The following LZTFL1 variants were observed in gnomAD, a reference collection of about 807,000 sequenced individuals.
LZTFL1 encodes leucine zipper transcription factor-like protein 1.
A neutral mutation model predicts 45.9 loss-of-function variants in LZTFL1; 25 were observed. That is an observed-to-expected ratio of 0.54 (90% CI 0.40 to 0.76). The LOEUF (loss-of-function observed/expected upper bound fraction) is 0.76, where lower values mean the gene tolerates loss of function less well. Ranked by LOEUF, LZTFL1 falls within the 30% of genes least tolerant of loss-of-function variation. LZTFL1 has a pLI of 0.00. For missense variants in LZTFL1, 277 were observed against 331.1 expected (o/e 0.84, Z 1.27); for synonymous variants, 93 against 117.4 (o/e 0.79, Z 1.35).
At chr3:45,897,422 G>T (rs1263663321) in intron 2 of LZTFL1, 1 of 668,046 alleles carries the variant, frequency 1.5e-6, no homozygotes, top group Non-Finnish European at 2.7e-6. Context: ...TGCCCCCTGG[G>T]CTTCCAGCAG....
intron 3 of LZTFL1, chr3:45,834,686 C>A (rs1192849879): frequency 6.3e-6 from 1 of 157,574 alleles, no homozygotes. Flanking sequence ...ATAAAGTAGT[C>A]TCAGAAAAAT....
intron 2 of LZTFL1, among the ~76,000 whole-genome samples, chr3:45,895,484 G>A (rs1296650121): frequency 1.3e-5 from 2 of 152,212 alleles, no homozygotes; most frequent in African/African-American, 4.8e-5. Context: ...GCAGAGGCGG[G>A]CGGATCACCT....
intron 2 of LZTFL1, among the ~76,000 whole-genome samples, chr3:45,889,304 T>C (rs1183540537): frequency 6.7e-6 from 1 of 148,406 alleles, no homozygotes; most frequent in Admixed American, 6.7e-5. Flanking sequence ...ATATTACCTT[T>C]AAAAAAAAAA....
intron 2 of LZTFL1, among the ~76,000 whole-genome samples, chr3:45,890,335 A>ATAAAT (rs1553616543): frequency 3.2e-5 from 2 of 61,744 alleles, no homozygotes; most frequent in Admixed American, 2.1e-4. Flanking sequence ...ATATATATAT[A>ATAAAT]ACATATATAT....
At position 45,901,985 on chromosome 3, in the gene LZTFL1, AAG is replaced by A; in HGVS notation, c.-215+11133_-215+11134del. On this transcript the variant is annotated intron_variant, in intron 2 of 4. Transcript: ENST00000472635. The surrounding 1 kb of genome is among the most constrained non-coding windows in gnomAD (Gnocchi z 4.3). ...CCACTGATGGGACCAGAGAGAGTGA[AAG>A]AGAAAAGAAAACTCAGAAAGGGATG... The A allele has an allele frequency of 8.8e-7, 1 of 1,132,726 alleles. No individual in the cohort carries two copies. Among genetic ancestry groups the A allele is most frequent in the Non-Finnish European group, 1.3e-6 (1 of 797,928 alleles). The allele number at this position is 1,132,726 out of a possible 1,614,324, so 70.2% of individuals were successfully genotyped here.
intron 2 of LZTFL1, among the ~76,000 whole-genome samples, chr3:45,890,407 C>T (rs550329371): frequency 2.5e-5 from 3 of 118,498 alleles, no homozygotes; most frequent in African/African-American, 1.0e-4. Context: ...CAAAAATCAA[C>T]CTCCGTATTC....
Position 45,842,043 on chromosome 3 carries a change from C to T in LZTFL1, c.-52G>A. On this transcript the variant is annotated 5_prime_UTR_variant, in exon 1 of 10. Coordinates refer to ENST00000296135, the MANE Select transcript of LZTFL1 (RefSeq NM_020347.4). ...AGGAACGGGAGAGGCCAGGCGGTGC[C>T]CCGCCAAGCCTGGGATCGCCGAGGG... is the stretch of plus-strand genomic sequence containing the variant. The T allele has an allele frequency of 1.9e-6, 3 of 1,603,524 alleles. No homozygotes were observed. Among genetic ancestry groups the T allele is most frequent in the South Asian group, 1.1e-5 (1 of 89,898 alleles).
At chr3:45,912,986 T>G (rs1702827077) in intron 2 of LZTFL1, 1 of 870,138 alleles carries the variant, frequency 1.1e-6, no homozygotes, top group African/African-American at 1.7e-5. Context: ...TCCTGGTTTA[T>G]GGAAAAGCTT....
chr3:45,889,322 G>C lies in LZTFL1; in HGVS notation c.-215+23798C>G, dbSNP rs77676459. On this transcript the variant is annotated intron_variant, in intron 2 of 4. Coordinates refer to the LZTFL1 transcript ENST00000472635. ...TTACCTTTAAAAAAAAAAATAAAGA[G>C]AAACCTTTATAGAAAGCTAGTGTAC... Among the ~76,000 whole-genome samples, 1,502 of 152,108 alleles carry C rather than the reference G, an allele frequency of 9.9e-3. 27 individuals carry two copies. Among genetic ancestry groups the C allele is most frequent in the African/African-American group, 0.034 (1,397 of 41,500 alleles).
intron 2 of LZTFL1, among the ~76,000 whole-genome samples, chr3:45,903,959 A>G (rs1310069746): frequency 6.6e-6 from 1 of 152,258 alleles, no homozygotes; most frequent in Non-Finnish European, 1.5e-5. Flanking sequence ...TTGTGCAGTT[A>G]GGTGCAAAGA....
Position 45,823,907 on chromosome 3 carries a change from T to C in LZTFL1, c.*2407A>G, listed in dbSNP as rs1053520986. On this transcript the variant is annotated 3_prime_UTR_variant, in exon 10 of 10. Coordinates refer to ENST00000296135, the MANE Select transcript of LZTFL1 (RefSeq NM_020347.4). ...AGTTAATCAGAATGGAAATAATGAA[T>C]AGCAAAGGCTTTATCAAATAAGATT... 1 of 152,214 alleles carries C rather than the reference T, an allele frequency of 6.6e-6. No individual in the cohort carries two copies. The highest frequency in any genetic ancestry group is 1.5e-5 in the Non-Finnish European group (1 of 68,038). The allele number at this position is 152,214 out of a possible 1,614,324, so 9.4% of individuals were successfully genotyped here. A position where few individuals can be genotyped will look rare whatever the true frequency, so the allele number is the denominator to read the frequency against.
chr3:45,886,259 C>T (rs898502819), intron 2 of LZTFL1, among the ~76,000 whole-genome samples: 6 of 152,288 alleles, frequency 3.9e-5, no homozygotes, highest in South Asian at 2.1e-4. Context: ...TGACTTCTCT[C>T]GATGGGATCC....
At chr3:45,839,234 G>A (rs1368631594) in intron 1 of LZTFL1, among the ~76,000 whole-genome samples, 3 of 151,946 alleles carry the variant, frequency 2.0e-5, no homozygotes, top group Admixed American at 6.6e-5. Context: ...GACCACAGGC[G>A]CCCACCACCA....
At chr3:45,891,148 C>T (rs1171283544) in intron 2 of LZTFL1, among the ~76,000 whole-genome samples, 1 of 152,174 alleles carries the variant, frequency 6.6e-6, no homozygotes, top group Non-Finnish European at 1.5e-5. Context: ...TTCCTGGCCC[C>T]CAGAGGGCTG....
chr3:45,837,521 TCTA>T (rs1436472566), intron 2 of LZTFL1, among the ~76,000 whole-genome samples: 1 of 152,248 alleles, frequency 6.6e-6, no homozygotes, highest in Non-Finnish European at 1.5e-5. Flanking sequence ...TGTTTTCCTC[TCTA>T]CTAATTATTC....
intron 2 of LZTFL1, among the ~76,000 whole-genome samples, chr3:45,884,651 G>A (rs999814062): frequency 1.3e-5 from 2 of 152,024 alleles, no homozygotes; most frequent in Non-Finnish European, 2.9e-5. Flanking sequence ...TGTCTACCTT[G>A]TATGCTCTTA....
rs186137098 is a variant in LZTFL1, at chr3:45,860,408, G to A, written c.-214-1392C>T. On this transcript the variant is annotated intron_variant, in intron 2 of 4. Transcript: ENST00000472635. ...GGGAAGAACAGCAGTGAAAAGGAAA[G>A]GACTTTGGAATCCTAAGGTAATTCA... 7.4e-4 allele frequency among the ~76,000 whole-genome samples: 113 copies of A among 151,844 alleles called. 1 individual carries two copies. Among genetic ancestry groups the A allele is most frequent in the African/African-American group, 2.6e-3 (108 of 41,390 alleles).
At chr3:45,893,486 AC>A (rs555576861) in intron 2 of LZTFL1, among the ~76,000 whole-genome samples, 1,604 of 152,284 alleles carry the variant, frequency 0.011, 17 homozygotes, top group South Asian at 0.015. Flanking sequence ...TATTGCCAGG[AC>A]ATCAGTGATT....
At chr3:45,894,758 A>G in intron 2 of LZTFL1, 1 of 636,520 alleles carries the variant, frequency 1.6e-6, no homozygotes, top group Non-Finnish European at 2.8e-6. Context: ...TCTGAAATCT[A>G]GAATACTATA....
Sources: gnomAD v4.1 joint callset for allele counts (sites outside exome capture counted in the v4.1 genomes callset) on GRCh38, gnomAD v4.1.1 for gene constraint, Gnocchi (gnomAD v3.1) non-coding constraint, MANE v1.5 for transcripts, NCBI Gene and HGNC (gene_info 2026-07-23, HGNC 2026-07-21) for gene names.